Variants in LIN9 observed in about 807,000 individuals in gnomAD.
The protein encoded by LIN9 is protein lin-9 homolog.
LIN9 carries 18 observed loss-of-function variants against 78.0 expected under a neutral mutation model. The ratio of observed to expected loss-of-function variants is 0.23; its 90% CI spans 0.16 to 0.34. The LOEUF is 0.34. LIN9 is among the 10% of genes least tolerant of loss of function. The probability of loss-of-function intolerance (pLI) is 1.00; values close to 1 mark genes in which losing one functional copy is unlikely to be tolerated. For synonymous variants in LIN9, 192 were observed against 215.2 expected (o/e 0.89, Z 0.94); for missense variants, 451 against 644.1 (o/e 0.70, Z 3.25).
At chr1:226,261,968 CAT>C (rs904846756) in intron 10 of LIN9, among the ~76,000 whole-genome samples, 1 of 152,268 alleles carries the variant, frequency 6.6e-6, no homozygotes, top group East Asian at 1.9e-4. Context: ...AATAAATCCA[CAT>C]AGTCAATTAT....
intron 6 of LIN9, among the ~76,000 whole-genome samples, chr1:226,283,811 GGT>G (rs1421793633): frequency 6.6e-6 from 1 of 152,006 alleles, no homozygotes; most frequent in African/African-American, 2.4e-5. Flanking sequence ...AGCCAGGCAT[GGT>G]GGCGGGCGCC....
At chr1:226,242,973 T>A (rs1251018012) in intron 11 of LIN9, among the ~76,000 whole-genome samples, 1 of 152,266 alleles carries the variant, frequency 6.6e-6, no homozygotes, top group Non-Finnish European at 1.5e-5. Flanking sequence ...ATAGAAGATA[T>A]GTGTTCATCT....
Position 226,231,950 on chromosome 1 carries a change from A to G in LIN9, c.*551T>C. On this transcript the variant is annotated 3_prime_UTR_variant, in exon 15 of 15. Transcript: ENST00000681046. ...GTCACATTGCAAGTATATATAACAT[A>G]TACTTGTAAAGTCCACATTTCCCAT... 2.6e-6 allele frequency: 1 copy of G among 391,256 alleles called. No individual in the cohort carries two copies. Among genetic ancestry groups the G allele is most frequent in the East Asian group, 3.6e-5 (1 of 27,504 alleles). The allele number at this position is 391,256 out of a possible 1,614,324, so 24.2% of individuals were successfully genotyped here.
In LIN9 at chr1:226,266,246, T is replaced by C. The variant is rs751979702; in HGVS notation, c.903A>G (p.Leu301=). ...GTGACTGGAGAGGAGGAGTATAATG[T>C]AACCGTGGTGGGGTCATAAAAAATC... The part of the protein sequence containing the change: ...PSRFFMTPPR[L]HYTPPLQSPI... Residue 301 remains leucine (L), a synonymous_variant, in exon 9 of 15, where the codon TTA becomes TTG. Transcript: ENST00000681046. 1.3e-6 allele frequency: 2 copies of C among 1,596,722 alleles called. No homozygotes were observed. The highest frequency in any genetic ancestry group is 2.7e-5 in the African/African-American group (2 of 74,580).
intron 2 of LIN9, among the ~76,000 whole-genome samples, chr1:226,300,340 C>T (rs1307873945): frequency 6.6e-6 from 1 of 151,876 alleles, no homozygotes; most frequent in African/African-American, 2.4e-5. Flanking sequence ...CCCTTGAGCC[C>T]AGGAGTTCGA....
intron 8 of LIN9, 46 bp downstream of exon 8, chr1:226,267,911 C>T (rs375011561): frequency 1.1e-5 from 17 of 1,571,392 alleles, no homozygotes; most frequent in Non-Finnish European, 1.4e-5. Flanking sequence ...CTATATAACA[C>T]ATTTAACAGG....
chr1:226,237,978 A>T (rs537173321), intron 12 of LIN9, among the ~76,000 whole-genome samples: 1 of 151,798 alleles, frequency 6.6e-6, no homozygotes, highest in African/African-American at 2.4e-5. Context: ...AGAATCTGAT[A>T]TCACAAATAG....
intron 13 of LIN9, 48 bp downstream of exon 13, chr1:226,233,296 G>A (rs757302447): frequency 1.6e-5 from 24 of 1,534,708 alleles, no homozygotes; most frequent in East Asian, 4.6e-5. Flanking sequence ...ACAAATTAGC[G>A]TGGGTTGCTT....
Position 226,231,886 on chromosome 1 carries a change from TTAAAA to T in LIN9, c.*610_*614del, listed in dbSNP as rs1341247272. Reference sequence around the variant, plus strand: ...GGTTTCTTTTATATGTTATGATAAATTAAAATATTTATTATTATAAAATGATCTAC... The same window carrying T: ...GGTTTCTTTTATATGTTATGATAAATTATTTATTATTATAAAATGATCTAC... On this transcript the variant is annotated 3_prime_UTR_variant, in exon 15 of 15. Transcript: ENST00000681046. The T allele has an allele frequency of 5.3e-5, 17 of 322,000 alleles. No individual in the cohort carries two copies. The highest frequency in any genetic ancestry group is 7.7e-5 in the Non-Finnish European group (14 of 180,934). The allele number at this position is 322,000 out of a possible 1,614,324, so 19.9% of individuals were successfully genotyped here.
chr1:226,279,477 A>C (rs1213249869), intron 6 of LIN9, among the ~76,000 whole-genome samples: 1 of 150,328 alleles, frequency 6.7e-6, no homozygotes, highest in Non-Finnish European at 1.5e-5. Context: ...CACCCAAAAA[A>C]AAGAGCTGGG....
At position 226,232,201 on chromosome 1, in the gene LIN9, C is replaced by A. The variant is rs1022277334; in HGVS notation, c.*300G>T. The A allele has an allele frequency of 2.5e-6, 1 of 400,226 alleles. No individual in the cohort carries two copies. Among genetic ancestry groups the A allele is most frequent in the Non-Finnish European group, 4.4e-6 (1 of 227,026 alleles). The allele number at this position is 400,226 out of a possible 1,614,324, so 24.8% of individuals were successfully genotyped here. A position where few individuals can be genotyped will look rare whatever the true frequency, so the allele number is the denominator to read the frequency against. ...ATTCATGCACATTAAAAAAAATGGT[C>A]AATGTATTCTTCCACGAAATTATAT... is the stretch of plus-strand genomic sequence containing the variant. On this transcript the variant is annotated 3_prime_UTR_variant, in exon 15 of 15. Transcript: ENST00000681046.
chr1:226,257,691 C>T (rs970755194), intron 10 of LIN9, among the ~76,000 whole-genome samples: 1 of 150,872 alleles, frequency 6.6e-6, no homozygotes, highest in South Asian at 2.1e-4. Flanking sequence ...GCTAAGAAAG[C>T]AGAGAAAAAT....
intron 6 of LIN9, among the ~76,000 whole-genome samples, 188 bp from the exon 7 acceptor site, chr1:226,278,120 A>C (rs549836786): frequency 1.3e-5 from 2 of 152,158 alleles, no homozygotes. Context: ...TCCTGGACTC[A>C]AGTGCTGAGA....
chr1:226,287,274 C>G (rs914095936), intron 5 of LIN9, among the ~76,000 whole-genome samples: 1 of 152,204 alleles, frequency 6.6e-6, no homozygotes, highest in Non-Finnish European at 1.5e-5. Flanking sequence ...AAAGACTACC[C>G]TCTTAAAAAT....
At chr1:226,278,221 G>C (rs1344285130) in intron 6 of LIN9, among the ~76,000 whole-genome samples, 1 of 152,136 alleles carries the variant, frequency 6.6e-6, no homozygotes, top group African/African-American at 2.4e-5. Flanking sequence ...TTGAGGTCAG[G>C]AGTTAGAGAC....
intron 5 of LIN9, 108 bp downstream of exon 5, chr1:226,287,556 G>T: frequency 1.5e-6 from 1 of 689,052 alleles, no homozygotes; most frequent in Non-Finnish European, 2.3e-6. Context: ...TGAATTTAGA[G>T]AAAAATAAGA....
chr1:226,274,970 G>GTCTA (rs1660543441), intron 7 of LIN9, among the ~76,000 whole-genome samples: 1 of 152,080 alleles, frequency 6.6e-6, no homozygotes, highest in African/African-American at 2.4e-5. Context: ...TCATCTCAGA[G>GTCTA]TCTATCTCTA....
chr1:226,240,580 G>A (rs1658048253), intron 11 of LIN9, among the ~76,000 whole-genome samples: 1 of 151,876 alleles, frequency 6.6e-6, no homozygotes, highest in Admixed American at 6.6e-5. Context: ...GTGGAGATGG[G>A]GTTTCATCAT....
intron 3 of LIN9, among the ~76,000 whole-genome samples, chr1:226,297,193 C>T (rs1441584756): frequency 6.6e-6 from 1 of 152,124 alleles, no homozygotes; most frequent in Non-Finnish European, 1.5e-5. Context: ...GTGACTGCTG[C>T]TGTCTATCCC....
Sources: gnomAD v4.1 joint callset for allele counts (sites outside exome capture counted in the v4.1 genomes callset) on GRCh38, gnomAD v4.1.1 for gene constraint, MANE v1.5 for transcripts, NCBI Gene and HGNC (gene_info 2026-07-23, HGNC 2026-07-21) for gene names.